Variants in PALLD observed in about 807,000 individuals in gnomAD.
The protein encoded by PALLD is palladin, cytoskeletal associated protein.
Under a neutral mutation model 123.5 loss-of-function variants are expected in PALLD, and 61 were observed. The ratio of observed to expected loss-of-function variants is 0.49; its 90% confidence interval spans 0.40 to 0.61. The LOEUF (loss-of-function observed/expected upper bound fraction) is 0.61. Among genes scored for constraint, PALLD ranks in the 20% least tolerant of loss-of-function variants. The pLI is 0.00. For synonymous variants in PALLD, 465 were observed against 496.4 expected, an observed-to-expected ratio of 0.94 and a Z score of 0.84; for missense variants, 1,273 against 1,377.0, an observed-to-expected ratio of 0.92 and a Z score of 1.20.
At chr4:168,807,293 A>G (rs958820020) in intron 10 of PALLD, among the ~76,000 whole-genome samples, 1 of 152,064 alleles carries the variant, frequency 6.6e-6, no homozygotes, top group Admixed American at 6.6e-5. Flanking sequence ...ACACACACAC[A>G]CACACACAGT....
chr4:168,785,872 T>TATATAC (rs1219696374), intron 10 of PALLD, among the ~76,000 whole-genome samples: 16 of 137,980 alleles, frequency 1.2e-4, no homozygotes, highest in Non-Finnish European at 2.2e-4. Context: ...TATATATATA[T>TATATAC]ATATAGCATT....
chr4:168,677,762 C>T (rs1398281863), intron 3 of PALLD: 1 of 152,262 alleles, frequency 6.6e-6, no homozygotes, highest in Non-Finnish European at 1.5e-5. Context: ...GAAAACTTCT[C>T]CTGGCCCATA....
At chr4:168,626,552 A>G (rs537441079) in intron 2 of PALLD, among the ~76,000 whole-genome samples, 1 of 151,826 alleles carries the variant, frequency 6.6e-6, no homozygotes. Context: ...CTCTATTAAA[A>G]CTACAAAACT....
chr4:168,907,630 T>A (rs1758082736), intron 15 of PALLD, among the ~76,000 whole-genome samples: 2 of 152,178 alleles, frequency 1.3e-5, no homozygotes. Flanking sequence ...AGAGAGTGGT[T>A]ACTGCCCTTA....
chr4:168,656,089 C>A (rs1417751203), intron 2 of PALLD, among the ~76,000 whole-genome samples: 1 of 152,180 alleles, frequency 6.6e-6, no homozygotes, highest in Non-Finnish European at 1.5e-5. Flanking sequence ...AAGCATCTCC[C>A]ATTTTATCCC....
intron 10 of PALLD, among the ~76,000 whole-genome samples, chr4:168,880,791 C>A (rs1016249244): frequency 6.6e-6 from 1 of 152,120 alleles, no homozygotes; most frequent in Non-Finnish European, 1.5e-5. Flanking sequence ...ATATCAAGTA[C>A]CAACAAATTG....
At chr4:168,585,245 C>T (rs1770692393) in intron 2 of PALLD, among the ~76,000 whole-genome samples, 1 of 152,028 alleles carries the variant, frequency 6.6e-6, no homozygotes, top group African/African-American at 2.4e-5. Flanking sequence ...TTGTTTAATT[C>T]TCACAACATC....
chr4:168,815,741 G>C (rs1741805425), intron 10 of PALLD, among the ~76,000 whole-genome samples: 1 of 152,198 alleles, frequency 6.6e-6, no homozygotes, highest in African/African-American at 2.4e-5. Flanking sequence ...CGGTGGACGA[G>C]GGAAGGTACA....
At position 168,924,533 on chromosome 4, in the gene PALLD, G is replaced by T. The variant is rs907772781; in HGVS notation, c.3224+113G>T. 162 of 1,071,658 alleles carry T rather than the reference G, an allele frequency of 1.5e-4. 3 individuals are homozygous for T. The South Asian group carries it at 2.1e-3, about 14-fold the overall frequency. 66.4% of individuals were successfully genotyped at this position (1,071,658 alleles called of 1,614,324 possible). A position where few individuals can be genotyped will look rare whatever the true frequency, so the allele number is the denominator to read the frequency against. On this transcript the variant is annotated intron_variant, in intron 19 of 21. Transcript: ENST00000505667. ...TGTGTAAAAGCCACATAGATGTTTT[G>T]ATTTTTGATGAAATCAATCAAAGAC...
chr4:168,734,166 G>A (rs1252671496), intron 10 of PALLD, among the ~76,000 whole-genome samples: 2 of 152,078 alleles, frequency 1.3e-5, no homozygotes, highest in Non-Finnish European at 2.9e-5. Flanking sequence ...ATTTGAATTG[G>A]CATCTTAATT....
At chr4:168,777,381 G>A (rs773230678) in intron 10 of PALLD, among the ~76,000 whole-genome samples, 11 of 152,090 alleles carry the variant, frequency 7.2e-5, no homozygotes, top group South Asian at 2.1e-4. Context: ...ACTTCCTGCC[G>A]CCTTAGACTG....
intron 6 of PALLD, among the ~76,000 whole-genome samples, chr4:168,688,428 C>T (rs1782291936): frequency 1.3e-5 from 2 of 152,184 alleles, no homozygotes; most frequent in African/African-American, 4.8e-5. Flanking sequence ...GACATTTCTT[C>T]CCAAATAGAC....
At chr4:168,631,900 G>T in intron 2 of PALLD, 1 of 985,434 alleles carries the variant, frequency 1.0e-6, no homozygotes, top group Non-Finnish European at 1.2e-6. Context: ...GCGCCCAACT[G>T]GTAAGTGGCA....
rs546323200 is a variant in PALLD at position 168,894,362 on chromosome 4, A to G, written c.2101-217A>G. Reference sequence around the variant, plus strand: ...CTCACTTTAAATTTGTGCTGTACCAATTGGTGGCTCTCTGGATTAGGCCAT... The same window carrying G: ...CTCACTTTAAATTTGTGCTGTACCAGTTGGTGGCTCTCTGGATTAGGCCAT... On this transcript the variant is annotated intron_variant, in intron 11 of 21. Transcript: ENST00000505667. 1.8e-4 allele frequency: 103 copies of G among 577,738 alleles called. No homozygotes were observed. The East Asian group carries it at 2.1e-3, about 12-fold the overall frequency. The allele number at this position is 577,738 out of a possible 1,614,324, so 35.8% of individuals were successfully genotyped here.
rs949837468 is a variant in PALLD, at chr4:168,904,892, T to C, written c.2622+986T>C. The stretch of plus-strand genomic sequence containing the variant: ...CTGTAGTCCCAGCACTTTGGGAGGC[T>C]GAGGCAGGTGGATTGCCTCAGCCCC... On this transcript the variant is annotated intron_variant, in intron 15 of 21. Coordinates refer to ENST00000505667, the MANE Select transcript of PALLD (RefSeq NM_001166108.2). Among the ~76,000 whole-genome samples, 6 of 152,050 alleles carry C rather than the reference T, an allele frequency of 3.9e-5. No homozygotes were observed. In the South Asian group the frequency reaches 1.0e-3, roughly 26 times the overall value.
intron 10 of PALLD, among the ~76,000 whole-genome samples, chr4:168,766,742 C>T (rs1259343961): frequency 6.6e-6 from 1 of 152,192 alleles, no homozygotes; most frequent in African/African-American, 2.4e-5. Flanking sequence ...GAATGAGTCA[C>T]TTATCAACTA....
intron 3 of PALLD, among the ~76,000 whole-genome samples, 179 bp downstream of exon 3, chr4:168,668,547 A>T (rs181189520): frequency 7.9e-5 from 12 of 152,366 alleles, no homozygotes; most frequent in Admixed American, 3.9e-4. Context: ...GCACCCATCA[A>T]CTATCTCTGA....
chr4:168,659,249 A>G (rs1778901421), intron 2 of PALLD, among the ~76,000 whole-genome samples: 1 of 152,244 alleles, frequency 6.6e-6, no homozygotes, highest in South Asian at 2.1e-4. Context: ...GACCACTGCC[A>G]TTCCTTTGAG....
chr4:168,635,854 T>C (rs544000348), intron 2 of PALLD, among the ~76,000 whole-genome samples: 148 of 152,296 alleles, frequency 9.7e-4, no homozygotes, highest in African/African-American at 3.3e-3. Flanking sequence ...ACCAAATTAG[T>C]GTGGCACCTG....
Sources: gnomAD v4.1 joint callset for allele counts (sites outside exome capture counted in the v4.1 genomes callset) on GRCh38, gnomAD v4.1.1 for gene constraint, MANE v1.5 for transcripts, NCBI Gene and HGNC (gene_info 2026-07-23, HGNC 2026-07-21) for gene names.